RAP1B: variants seen among roughly 807,000 people sequenced by gnomAD.
The protein encoded by RAP1B is RAP1B, member of RAS oncogene family, also known as ras-related protein Rap-1b.
In RAP1B, 1 loss-of-function variant was observed where a neutral mutation model predicts 27.5. The ratio of observed to expected loss-of-function variants is 0.04; its 90% CI spans 0.01 to 0.17. The LOEUF (loss-of-function observed/expected upper bound fraction) is 0.17, where lower values mean the gene tolerates loss of function less well. RAP1B is among the 10% of genes least tolerant of loss of function. The probability of loss-of-function intolerance (pLI) is 1.00; values close to 1 mark genes in which losing one functional copy is unlikely to be tolerated. For missense variants in RAP1B, 84 were observed against 214.8 expected, an observed-to-expected ratio of 0.39 and a Z score of 3.81; for synonymous variants, 75 against 73.1, an observed-to-expected ratio of 1.03 and a Z score of -0.13.
At chr12:68,614,927 T>A (rs1211633398) in intron 1 of RAP1B, among the ~76,000 whole-genome samples, 1 of 152,210 alleles carries the variant, frequency 6.6e-6, no homozygotes, top group African/African-American at 2.4e-5. Flanking sequence ...GATGAATTTA[T>A]CCATTTGCAG....
In RAP1B at chr12:68,668,595, G is replaced by C. The variant is rs1045982538; in HGVS notation, c.*9346G>C. ...GTTTGACATTAACTTCTTTTCCAAA[G>C]AGAAATAACGTTAACAATCTGAAAT... On this transcript the variant is annotated 3_prime_UTR_variant, in exon 8 of 8. Transcript: ENST00000250559. The C allele has an allele frequency of 1.3e-5, 2 of 152,118 alleles. No homozygotes were observed. The highest frequency in any genetic ancestry group is 2.9e-5 in the Non-Finnish European group (2 of 68,016). 9.4% of individuals were successfully genotyped at this position (152,118 alleles called of 1,614,324 possible). A position where few individuals can be genotyped will look rare whatever the true frequency, so the allele number is the denominator to read the frequency against.
rs1873856392 is a variant in RAP1B, at chr12:68,652,159, C to A, written c.183+108C>A. 5.8e-6 allele frequency: 5 copies of A among 863,736 alleles called. No homozygotes were observed. The South Asian group carries it at 8.4e-5, about 15-fold the overall frequency. 53.5% of individuals were successfully genotyped at this position (863,736 alleles called of 1,614,324 possible). A position where few individuals can be genotyped will look rare whatever the true frequency, so the allele number is the denominator to read the frequency against. On this transcript the variant is annotated intron_variant, in intron 4 of 7. Transcript: ENST00000250559. ...TAGTTAAGCTTATTTAAAAGTACTG[C>A]TTGCAGCCGGTTGTAGTGGCTCACA...
Position 68,648,743 on chromosome 12 carries a change from G to T in RAP1B, c.19G>T (p.Val7Phe). ...TTGCATCATGCGTGAGTATAAGCTA[G>T]TCGTTCTTGGCTCAGGAGGCGTTGG... Reference protein sequence around the residue: MREYKLVVLGSGGVGKS... With the variant: MREYKLFVLGSGGVGKS... The change falls in exon 2 of 8, where the codon GTC (valine) becomes TTC (phenylalanine). Residue 7 changes from valine to phenylalanine, a missense_variant. By Grantham distance (50) the Val-to-Phe change is conservative (BLOSUM62 -1). Coordinates refer to ENST00000250559, the MANE Select transcript of RAP1B (RefSeq NM_001010942.3). The T allele has an allele frequency of 6.2e-7, 1 of 1,611,562 alleles. No homozygotes were observed.
At chr12:68,656,551 T>C (rs1485693511) in intron 6 of RAP1B, 102 bp downstream of exon 6, 10 of 1,217,968 alleles carry the variant, frequency 8.2e-6, no homozygotes, top group South Asian at 6.5e-5. Flanking sequence ...CAGGGTAATA[T>C]GTTGATGTTA....
chr12:68,652,095 T>A (rs371814453), intron 4 of RAP1B, 44 bp downstream of exon 4: 9 of 1,421,590 alleles, frequency 6.3e-6, no homozygotes, highest in Non-Finnish European at 8.9e-6. Flanking sequence ...GTTTGTACAG[T>A]ATTGACTTCA....
intron 1 of RAP1B, among the ~76,000 whole-genome samples, chr12:68,627,977 C>T (rs1052617895): frequency 6.6e-6 from 1 of 152,108 alleles, no homozygotes; most frequent in Non-Finnish European, 1.5e-5. Context: ...GCATGCAGCA[C>T]ACGCCTATAG....
rs117433632 is a variant in RAP1B, at chr12:68,642,086, G to C, written c.-26-6613G>C. On this transcript the variant is annotated intron_variant, in intron 1 of 7. Transcript: ENST00000250559. ...CGCGTTGAGTAAAATGAAGATCCAGGAGTCCCTCATTAGTTGGTATAATTG... is the reference window on the plus strand; with the variant it reads ...CGCGTTGAGTAAAATGAAGATCCAGCAGTCCCTCATTAGTTGGTATAATTG... Among the ~76,000 whole-genome samples the C allele has an allele frequency of 7.8e-3, 1,194 of 152,180 alleles. 33 individuals carry two copies. In the East Asian group the frequency reaches 0.091, roughly 12 times the overall value.
intron 1 of RAP1B, chr12:68,624,516 C>G (rs537086960): frequency 3.9e-5 from 6 of 152,078 alleles, no homozygotes; most frequent in Non-Finnish European, 5.9e-5. Flanking sequence ...AGACCAGACA[C>G]GGTGGCTCAC....
chr12:68,633,102 A>G (rs939538085), intron 1 of RAP1B, among the ~76,000 whole-genome samples: 3 of 152,162 alleles, frequency 2.0e-5, no homozygotes, highest in African/African-American at 7.2e-5. Context: ...TCCTATTTCT[A>G]TTTCTCATAA....
intron 1 of RAP1B, among the ~76,000 whole-genome samples, chr12:68,640,881 T>C (rs1872948687): frequency 6.6e-6 from 1 of 152,250 alleles, no homozygotes; most frequent in Non-Finnish European, 1.5e-5. Context: ...GATTCATGTC[T>C]TCAGGATTTT....
intron 4 of RAP1B, among the ~76,000 whole-genome samples, chr12:68,652,749 C>T (rs930948209): frequency 5.3e-5 from 8 of 151,682 alleles, no homozygotes; most frequent in African/African-American, 1.2e-4. Flanking sequence ...ACCCGGGAGG[C>T]GGAGGAAGTA....
At chr12:68,630,961 C>T (rs912560798) in intron 1 of RAP1B, among the ~76,000 whole-genome samples, 3 of 151,542 alleles carry the variant, frequency 2.0e-5, no homozygotes, top group African/African-American at 7.3e-5. Flanking sequence ...TTGGCAGATT[C>T]GAAGTACTTT....
chr12:68,654,268 A>G lies in RAP1B; in HGVS notation c.324+16A>G, dbSNP rs1207733773. On this transcript the variant is annotated intron_variant, in intron 5 of 7. Transcript: ENST00000250559. ...CACTGATGATGTAAGCTGACTTCCA[A>G]ATAAATATATTTTATTTCAAAACCC... The G allele has an allele frequency of 2.7e-6, 4 of 1,505,646 alleles. No homozygotes were observed. The highest frequency in any genetic ancestry group is 2.5e-5 in the South Asian group (2 of 80,022). The allele number at this position is 1,505,646 out of a possible 1,614,324, so 93.3% of individuals were successfully genotyped here. A position where few individuals can be genotyped will look rare whatever the true frequency, so the allele number is the denominator to read the frequency against.
intron 1 of RAP1B, chr12:68,642,770 G>A: frequency 9.5e-7 from 1 of 1,057,732 alleles, no homozygotes; most frequent in Middle Eastern, 3.0e-4. Context: ...AACCTTCAGG[G>A]CATTAAACTT....
At chr12:68,618,221 G>A (rs1472004524) in intron 1 of RAP1B, among the ~76,000 whole-genome samples, 1 of 150,876 alleles carries the variant, frequency 6.6e-6, no homozygotes, top group South Asian at 2.1e-4. Flanking sequence ...CGAGTAGCTG[G>A]GATTACAGGC....
At chr12:68,621,512 A>G (rs2135919058) in intron 1 of RAP1B, 1 of 152,354 alleles carries the variant, frequency 6.6e-6, no homozygotes, top group Non-Finnish European at 1.5e-5. Context: ...TTTTAAGGAC[A>G]GAAAAAGCAT....
At chr12:68,634,992 C>G (rs1872535118) in intron 1 of RAP1B, among the ~76,000 whole-genome samples, 1 of 152,154 alleles carries the variant, frequency 6.6e-6, no homozygotes, top group African/African-American at 2.4e-5. Context: ...TGATAATCTA[C>G]AAATTTTGCA....
chr12:68,638,189 CT>C (rs1161310578), intron 1 of RAP1B, among the ~76,000 whole-genome samples: 1 of 152,002 alleles, frequency 6.6e-6, no homozygotes, highest in African/African-American at 2.4e-5. Context: ...AGATTTTTTC[CT>C]TGGTAGTCAC....
intron 6 of RAP1B, chr12:68,656,745 T>C: frequency 3.8e-6 from 2 of 527,360 alleles, no homozygotes; most frequent in South Asian, 3.0e-5. Context: ...ATATGAAAAA[T>C]AGAGTAAAAT....
Sources: allele counts gnomAD v4.1 joint callset (sites outside exome capture counted in the v4.1 genomes callset), GRCh38; gene constraint gnomAD v4.1.1; transcripts MANE v1.5; gene names NCBI Gene and HGNC (gene_info 2026-07-23, HGNC 2026-07-21).